AGBL4: variants seen among roughly 807,000 people sequenced by gnomAD.
The protein encoded by AGBL4 is cytosolic carboxypeptidase 6.
A neutral mutation model predicts 66.4 loss-of-function variants in AGBL4; 58 were observed. The observed-to-expected ratio is 0.87, with a 90% confidence interval of 0.71 to 1.09. The LOEUF (loss-of-function observed/expected upper bound fraction) is 1.09. Ranked by LOEUF, AGBL4 falls within the 50% of genes least tolerant of loss-of-function variation. The pLI is 0.00. For synonymous variants in AGBL4, 234 were observed against 222.9 expected, an observed-to-expected ratio of 1.05 and a Z score of -0.44; for missense variants, 579 against 631.0, an observed-to-expected ratio of 0.92 and a Z score of 0.88.
At chr1:49,769,216 CCA>C (rs111502919) in intron 2 of AGBL4, among the ~76,000 whole-genome samples, 66 of 147,168 alleles carry the variant, frequency 4.5e-4, no homozygotes, top group Admixed American at 6.1e-4. Flanking sequence ...TTTGTAATAG[CCA>C]CACACACACA....
chr1:49,882,859 A>G (rs1380452768), intron 1 of AGBL4, among the ~76,000 whole-genome samples: 1 of 152,188 alleles, frequency 6.6e-6, no homozygotes, highest in African/African-American at 2.4e-5. Flanking sequence ...ATGATGCAAG[A>G]GCACTGATAG....
At chr1:49,045,900 C>T in intron 4 of AGBL4, 100 bp from the exon 5 acceptor site, 1 of 987,202 alleles carries the variant, frequency 1.0e-6, no homozygotes, top group East Asian at 2.6e-5. Flanking sequence ...ACTGTAACAT[C>T]AAGAACCATG....
intron 2 of AGBL4, among the ~76,000 whole-genome samples, chr1:49,826,044 C>T (rs927371341): frequency 6.6e-6 from 1 of 151,988 alleles, no homozygotes; most frequent in Non-Finnish European, 1.5e-5. Flanking sequence ...ACTTTAAACA[C>T]TATTATATTA....
intron 3 of AGBL4, among the ~76,000 whole-genome samples, chr1:49,411,380 T>C (rs1422869160): frequency 1.3e-5 from 2 of 152,222 alleles, no homozygotes; most frequent in Non-Finnish European, 2.9e-5. Context: ...CTATCCACAC[T>C]GAGGGTAGGT....
At chr1:49,562,069 C>T (rs555055129) in intron 3 of AGBL4, among the ~76,000 whole-genome samples, 1 of 152,150 alleles carries the variant, frequency 6.6e-6, no homozygotes, top group Non-Finnish European at 1.5e-5. Flanking sequence ...TGATGATGAG[C>T]ATTTTTTCAG....
At chr1:49,821,206 T>G (rs1045948728) in intron 2 of AGBL4, among the ~76,000 whole-genome samples, 1 of 152,204 alleles carries the variant, frequency 6.6e-6, no homozygotes, top group Non-Finnish European at 1.5e-5. Flanking sequence ...TTCATTCATT[T>G]AATAAATGTG....
At chr1:49,170,254 A>ATTATAAATTTATATTCATATAAATATG (rs1646711560) in intron 4 of AGBL4, among the ~76,000 whole-genome samples, 2 of 142,026 alleles carry the variant, frequency 1.4e-5, no homozygotes, top group Admixed American at 7.0e-5. Flanking sequence ...ATATAAATAT[A>ATTATAAATTTATATTCATATAAATATG]TTATAAATTT....
chr1:49,405,779 A>G, intron 3 of AGBL4, among the ~76,000 whole-genome samples: 1 of 152,208 alleles, frequency 6.6e-6, no homozygotes, highest in East Asian at 1.9e-4. Flanking sequence ...GGTGTGTGGA[A>G]GTAACAGTAA....
At chr1:49,955,497 G>T (rs1656519336) in intron 1 of AGBL4, among the ~76,000 whole-genome samples, 1 of 151,770 alleles carries the variant, frequency 6.6e-6, no homozygotes, top group Non-Finnish European at 1.5e-5. Context: ...AAGCAGCAAG[G>T]GTCCCAATAC....
At chr1:48,667,952 G>A (rs1170792648) in intron 6 of AGBL4, among the ~76,000 whole-genome samples, 2 of 152,196 alleles carry the variant, frequency 1.3e-5, no homozygotes, top group Non-Finnish European at 2.9e-5. Flanking sequence ...TGCGAAGGAA[G>A]AAGGAAATGC....
chr1:49,899,231 A>G (rs951176759), intron 1 of AGBL4, among the ~76,000 whole-genome samples: 2 of 152,082 alleles, frequency 1.3e-5, no homozygotes, highest in Non-Finnish European at 2.9e-5. Flanking sequence ...AAAATATCTC[A>G]TGTGACCTAT....
At chr1:49,974,481 G>A (rs542111949) in intron 1 of AGBL4, among the ~76,000 whole-genome samples, 19 of 152,254 alleles carry the variant, frequency 1.2e-4, no homozygotes, top group African/African-American at 4.6e-4. Flanking sequence ...ATTCTCAGGT[G>A]TGGAAATAGT....
chr1:48,790,321 A>G (rs1645517686), intron 6 of AGBL4, among the ~76,000 whole-genome samples: 2 of 152,222 alleles, frequency 1.3e-5, no homozygotes, highest in South Asian at 4.1e-4. Flanking sequence ...GGGTTACCAG[A>G]ATGAAAAGAC....
At chr1:48,824,075 G>A (rs945866687) in intron 6 of AGBL4, among the ~76,000 whole-genome samples, 2 of 152,138 alleles carry the variant, frequency 1.3e-5, no homozygotes, top group African/African-American at 4.8e-5. Context: ...GTGTTTCTTT[G>A]AGCCTTTCTC....
intron 3 of AGBL4, among the ~76,000 whole-genome samples, chr1:49,427,067 T>C (rs1645677052): frequency 6.6e-6 from 1 of 152,118 alleles, no homozygotes; most frequent in South Asian, 2.1e-4. Context: ...TAGTGAGGCA[T>C]TTATTTTTTG....
intron 6 of AGBL4, chr1:48,776,788 G>A: frequency 1.3e-6 from 2 of 1,525,674 alleles, no homozygotes; most frequent in Non-Finnish European, 1.8e-6. Context: ...CACGGGCAGC[G>A]CGTAGCAGAC....
intron 3 of AGBL4, among the ~76,000 whole-genome samples, chr1:49,656,113 C>T (rs918769728): frequency 6.6e-6 from 1 of 151,498 alleles, no homozygotes; most frequent in African/African-American, 2.4e-5. Context: ...TGCCACTGCA[C>T]TCCAGCCTGG....
At chr1:49,855,348 G>C (rs186154065) in intron 1 of AGBL4, among the ~76,000 whole-genome samples, 23 of 152,100 alleles carry the variant, frequency 1.5e-4, no homozygotes, top group Admixed American at 7.2e-4. Flanking sequence ...TTCAGCATTG[G>C]ACACATCATA....
chr1:48,926,200 T>C (rs776713235), intron 5 of AGBL4, among the ~76,000 whole-genome samples: 1 of 152,100 alleles, frequency 6.6e-6, no homozygotes, highest in Non-Finnish European at 1.5e-5. Flanking sequence ...AAGACTGAGA[T>C]AAGACTAAGA....
Sources: gnomAD v4.1 joint callset for allele counts (sites outside exome capture counted in the v4.1 genomes callset) on GRCh38, gnomAD v4.1.1 for gene constraint, MANE v1.5 for transcripts, NCBI Gene and HGNC (gene_info 2026-07-23, HGNC 2026-07-21) for gene names.